ZNF682: variants seen among roughly 807,000 people sequenced by gnomAD.
ZNF682 encodes the protein zinc finger protein 682.
A neutral mutation model predicts 36.5 loss-of-function variants in ZNF682; 29 were observed. The ratio of observed to expected loss-of-function variants is 0.80; its 90% confidence interval spans 0.59 to 1.08. ZNF682 has a LOEUF of 1.08. ZNF682 is among the 50% of genes least tolerant of loss of function. The pLI, the probability that ZNF682 is intolerant of heterozygous loss-of-function variation, is 0.00. For missense variants in ZNF682, 561 were observed against 579.7 expected (o/e 0.97, Z 0.33); for synonymous variants, 180 against 197.0 (o/e 0.91, Z 0.72).
chr19:20,039,148 C>G, intron 1 of ZNF682, 195 bp downstream of exon 1: 2 of 1,397,836 alleles, frequency 1.4e-6, no homozygotes, highest in East Asian at 2.6e-5. Context: ...GGGATGCCCG[C>G]CCAGGGTCCC....
intron 3 of ZNF682, among the ~76,000 whole-genome samples, chr19:19,998,379 G>A (rs1288758152): frequency 6.6e-6 from 1 of 152,218 alleles, no homozygotes; most frequent in Admixed American, 6.5e-5. Context: ...GAGTTGGGCA[G>A]AAGTTAGAAA....
downstream of ZNF682, among the ~76,000 whole-genome samples, chr19:20,003,512 G>A (rs1404814391): frequency 6.6e-6 from 1 of 151,838 alleles, no homozygotes; most frequent in African/African-American, 2.4e-5. Flanking sequence ...AGACCATCCA[G>A]GCTAACATGG....
rs774387381 is a variant in ZNF682 at position 20,007,242 on chromosome 19, G to A, written c.260C>T (p.Pro87Leu). The A allele has an allele frequency of 2.5e-6, 4 of 1,611,816 alleles. No homozygotes were observed. Among genetic ancestry groups the A allele is most frequent in the Non-Finnish European group, 2.5e-6 (3 of 1,179,406 alleles). ...MSSHYTEDLL[P>L]EQCMQDSFQK... is the part of the protein sequence containing the mutation. ...GAATGAATCTTGCATGCACTGTTCT[G>A]GCAAAAGGTCTTCAGTGTAATGAGA... Residue 87 changes from proline to leucine, a missense_variant, in exon 4 of 4, where the codon CCA (proline) becomes CTA (leucine). Transcript: ENST00000397165.
At position 20,024,345 on chromosome 19, in the gene ZNF682, T is replaced by G. The variant is rs1446545478; in HGVS notation, c.35A>C (p.Glu12Ala). The G allele has an allele frequency of 6.2e-7, 1 of 1,613,352 alleles. No homozygotes were observed. Among genetic ancestry groups the G allele is most frequent in the South Asian group, 1.1e-5 (1 of 90,910 alleles). The change falls in exon 2 of 4, where the codon GAA becomes GCA. Residue 12 changes from glutamate (E) to alanine (A), a missense_variant. Coordinates refer to ENST00000397165, the MANE Select transcript of ZNF682 (RefSeq NM_033196.3). ...AAACTCCCACTCCTCCAGAGAGAAT[T>G]CTATGGTCACATCCCTGAATGTCAA... ...ELLTFRDVTI[E>A]FSLEEWEFLN...
At chr19:20,031,891 A>G (rs2088483123) in intron 1 of ZNF682, among the ~76,000 whole-genome samples, 1 of 152,176 alleles carries the variant, frequency 6.6e-6, no homozygotes, top group Non-Finnish European at 1.5e-5. Context: ...TGGGCCGATA[A>G]AAAGTTCTTT....
Position 20,006,917 on chromosome 19 carries a change from G to A in ZNF682, c.585C>T (p.His195=). The A allele has an allele frequency of 6.2e-7, 1 of 1,613,934 alleles. No individual in the cohort carries two copies. Among genetic ancestry groups the A allele is most frequent in the Non-Finnish European group, 8.5e-7 (1 of 1,179,886 alleles). The change falls in exon 4 of 4, where the codon CAC becomes CAT. Residue 195 remains histidine, a synonymous_variant. Transcript: ENST00000397165. ...HSGLSYHKII[H]TEEKLCICEE... Reference sequence around the variant, plus strand: ...CACATATGCAGAGTTTCTCTTCAGTGTGAATTATCTTATGATAAGAAAGGC... The same window carrying A: ...CACATATGCAGAGTTTCTCTTCAGTATGAATTATCTTATGATAAGAAAGGC...
chr19:20,025,114 A>C (rs1599613073), intron 1 of ZNF682, among the ~76,000 whole-genome samples: 8 of 152,192 alleles, frequency 5.3e-5, no homozygotes, highest in Admixed American at 5.2e-4. Context: ...GTTGATACCA[A>C]GGCATCCGAA....
At chr19:20,027,772 A>G (rs1379589562) in intron 1 of ZNF682, among the ~76,000 whole-genome samples, 1 of 103,044 alleles carries the variant, frequency 9.7e-6, no homozygotes, top group Non-Finnish European at 2.0e-5. Flanking sequence ...AAAACAAAAA[A>G]GAAAAACAAA....
chr19:19,999,120 G>A (rs76301295), intron 3 of ZNF682, among the ~76,000 whole-genome samples: 1 of 152,042 alleles, frequency 6.6e-6, no homozygotes, highest in African/African-American at 2.4e-5. Context: ...TGCAATTCAG[G>A]AGAGTCATCA....
At chr19:20,031,810 C>T (rs572641828) in intron 1 of ZNF682, among the ~76,000 whole-genome samples, 2 of 151,998 alleles carry the variant, frequency 1.3e-5, no homozygotes, top group East Asian at 1.9e-4. Flanking sequence ...GGCGAGGTGG[C>T]GGGTGCCTGT....
At chr19:20,007,657 G>C (rs1216485272) in intron 3 of ZNF682, 2 of 180,076 alleles carry the variant, frequency 1.1e-5, no homozygotes, top group Non-Finnish European at 2.3e-5. Context: ...CCTTCTCCTT[G>C]AAAGGCATTT....
At position 20,005,989 on chromosome 19, in the gene ZNF682, T is replaced by G. The variant is rs1324176711; in HGVS notation, c.*16A>C. ...ACATTCTTTACATTTGTAGGATTTC[T>G]CTTTAGTAAAAATTCTTACGTAGTA... On this transcript the variant is annotated 3_prime_UTR_variant, in exon 4 of 4. Coordinates refer to ENST00000397165, the MANE Select transcript of ZNF682 (RefSeq NM_033196.3). The G allele has an allele frequency of 1.3e-6, 2 of 1,556,436 alleles. No individual in the cohort carries two copies. Among genetic ancestry groups the G allele is most frequent in the Non-Finnish European group, 1.7e-6 (2 of 1,154,052 alleles).
At chr19:20,015,189 T>A in intron 3 of ZNF682, 1 of 985,154 alleles carries the variant, frequency 1.0e-6, no homozygotes, top group Non-Finnish European at 1.2e-6. Flanking sequence ...AAATCACAAG[T>A]GTTTCTCTCA....
In ZNF682 at chr19:20,006,699, C is replaced by T. The variant is rs368414970; in HGVS notation, c.803G>A (p.Trp268Ter). The change falls in exon 4 of 4, where the codon TGG becomes TAG. Residue 268 changes from tryptophan (W) to a stop codon, truncating the protein, a stop_gained. Transcript: ENST00000397165. LOFTEE classifies it high-confidence loss of function. ...CTTATGTCTAACAAAGGGTGAACAC[C>T]AGTGAAAGGCTTTTCCACATTCTTC... ...KCEECGKAFH[W>*]CSPFVRHKKI... 1 of 1,613,680 alleles carries T rather than the reference C, an allele frequency of 6.2e-7. No homozygotes were observed. The highest frequency in any genetic ancestry group is 1.3e-5 in the African/African-American group (1 of 74,854).
chr19:20,036,989 AAATC>A (rs943855504), intron 1 of ZNF682, among the ~76,000 whole-genome samples: 31 of 152,242 alleles, frequency 2.0e-4, no homozygotes, highest in African/African-American at 7.2e-4. Flanking sequence ...TGTCTCAAAA[AAATC>A]AATCAATCAA....
At chr19:20,018,056 A>T (rs1410600218) in intron 3 of ZNF682, among the ~76,000 whole-genome samples, 1 of 146,778 alleles carries the variant, frequency 6.8e-6, no homozygotes, top group Non-Finnish European at 1.5e-5. Flanking sequence ...TTTTGCAGAA[A>T]TATAGTTAAG....
Position 20,039,337 on chromosome 19 carries a change from ACT to A in ZNF682, c.3+4_3+5del, listed in dbSNP as rs2088563972. Reference sequence around the variant, plus strand: ...CACCTCGGGATGCGCGGCCTGGCACACTCACCATTTTTCGGCTTCCGGGATGT... The same window carrying A: ...CACCTCGGGATGCGCGGCCTGGCACACACCATTTTTCGGCTTCCGGGATGT... On this transcript the variant is annotated splice_donor_5th_base_variant and intron_variant, in intron 1 of 3. Transcript: ENST00000397165. The A allele has an allele frequency of 1.2e-6, 2 of 1,612,280 alleles. No homozygotes were observed. The highest frequency in any genetic ancestry group is 2.7e-5 in the African/African-American group (2 of 74,992).
chr19:20,009,219 T>C (rs187505046), intron 3 of ZNF682, among the ~76,000 whole-genome samples: 59 of 152,216 alleles, frequency 3.9e-4, no homozygotes, highest in Non-Finnish European at 6.9e-4. Flanking sequence ...CTACAGGACT[T>C]TCAAAATACA....
At chr19:20,011,897 C>T (rs1383391032) in intron 3 of ZNF682, among the ~76,000 whole-genome samples, 3 of 151,906 alleles carry the variant, frequency 2.0e-5, no homozygotes, top group Non-Finnish European at 4.4e-5. Flanking sequence ...ATTAGCCGGG[C>T]GTGGTGGCAG....
Sources: allele counts gnomAD v4.1 joint callset (sites outside exome capture counted in the v4.1 genomes callset), GRCh38; gene constraint gnomAD v4.1.1; transcripts MANE v1.5; gene names NCBI Gene and HGNC (gene_info 2026-07-23, HGNC 2026-07-21).